FANCD2: variants seen among roughly 807,000 people sequenced by gnomAD.
The protein encoded by FANCD2 is Fanconi anemia group D2 protein.
FANCD2 carries 131 observed loss-of-function variants against 192.3 expected under a neutral mutation model. The ratio of observed to expected loss-of-function variants is 0.68; its 90% CI spans 0.59 to 0.79. The LOEUF is 0.79. Ranked by LOEUF, FANCD2 falls within the 30% of genes least tolerant of loss-of-function variation. FANCD2 has a pLI of 0.00. For synonymous variants in FANCD2, 524 were observed against 612.5 expected (o/e 0.86, Z 2.13); for missense variants, 1,508 against 1,701.6 (o/e 0.89, Z 2.00).
rs1452991260 is a variant in FANCD2 at position 10,031,055 on chromosome 3, A to G, written c.65-1777A>G. ...TTATACTTTGGAAATACTGTTCTCC[A>G]AAAGAGAAGAGACTTCTGAATTAAG... On this transcript the variant is annotated intron_variant, in intron 2 of 43. Transcript: ENST00000675286. Among the ~76,000 whole-genome samples the G allele has an allele frequency of 7.9e-5, 12 of 152,376 alleles. No homozygotes were observed. In the East Asian group the frequency reaches 2.1e-3, roughly 27 times the overall value.
chr3:10,071,724 C>G (rs6771931), intron 26 of FANCD2, among the ~76,000 whole-genome samples: 35,613 of 151,998 alleles, frequency 0.23, 5,557 homozygotes, highest in African/African-American at 0.45. Flanking sequence ...TGGTTAATAG[C>G]TTCAAAAATA....
Position 10,048,095 on chromosome 3 carries a change from G to C in FANCD2, c.1413+44G>C, listed in dbSNP as rs771401180. 11 of 1,613,002 alleles carry C rather than the reference G, an allele frequency of 6.8e-6. No individual in the cohort carries two copies. In the South Asian group the frequency reaches 9.9e-5, roughly 14 times the overall value. ...TTTGGCAAGGAGGGAACACAGAAAG[G>C]GAAAATAATCTGATGTTTATTTCTT... On this transcript the variant is annotated intron_variant, in intron 16 of 43. Transcript: ENST00000675286.
At chr3:10,036,891 CGTA>C (rs1316255485) in intron 7 of FANCD2, among the ~76,000 whole-genome samples, 2 of 151,732 alleles carry the variant, frequency 1.3e-5, no homozygotes, top group Non-Finnish European at 2.9e-5. Flanking sequence ...GCTGGAGTGC[CGTA>C]GTACGATCAT....
rs979658558 is a variant in FANCD2, at chr3:10,075,973, C to T, written c.2859+1300C>T. On this transcript the variant is annotated intron_variant, in intron 29 of 43. Transcript: ENST00000675286. ...GTCTCGATCTCCTGACCTCGTGATC[C>T]GCCCGCCTTGGCCTCCCAAAGTGTT... is the stretch of plus-strand genomic sequence containing the variant. Among the ~76,000 whole-genome samples, 51 of 151,310 alleles carry T rather than the reference C, an allele frequency of 3.4e-4. 1 individual carries two copies. Among genetic ancestry groups the T allele is most frequent in the African/African-American group, 9.2e-4 (38 of 41,172 alleles).
Position 10,060,383 on chromosome 3 carries a change from T to A in FANCD2, c.1746T>A (p.Ala582=). The change falls in exon 19 of 44, where the codon GCT becomes GCA. Residue 582 remains alanine (A), a synonymous_variant. Transcript: ENST00000675286. ...GGATTATTGGTGCTGTGACCATGGC[T>A]GGCATCATGGCGGCAGACAGGTACA... ...LIGIIGAVTM[A]GIMAADRSES... 1 of 1,613,942 alleles carries A rather than the reference T, an allele frequency of 6.2e-7. No individual in the cohort carries two copies. Among genetic ancestry groups the A allele is most frequent in the Non-Finnish European group, 8.5e-7 (1 of 1,179,872 alleles).
In FANCD2 at chr3:10,031,299, T is replaced by G. The variant is rs186457997; in HGVS notation, c.65-1533T>G. Among the ~76,000 whole-genome samples, 210 of 152,112 alleles carry G rather than the reference T, an allele frequency of 1.4e-3. 1 individual carries two copies. Among genetic ancestry groups the G allele is most frequent in the African/African-American group, 4.2e-3 (174 of 41,512 alleles). On this transcript the variant is annotated intron_variant, in intron 2 of 43. Transcript: ENST00000675286. ...CGGGCAGATCACGAGGTCAGGAGAT[T>G]GAGACCATCTTGGCTAACATGGTGA...
At chr3:10,058,320 A>C (rs1451443145) in intron 18 of FANCD2, 2 of 156,552 alleles carry the variant, frequency 1.3e-5, no homozygotes, top group Non-Finnish European at 2.8e-5. Flanking sequence ...TGGCACCACG[A>C]AGGTTGCCAC....
At chr3:10,064,963 A>C in intron 23 of FANCD2, 88 bp downstream of exon 23, 1 of 1,437,312 alleles carries the variant, frequency 7.0e-7, no homozygotes, top group Middle Eastern at 2.0e-4. Flanking sequence ...GTTGAGTCAA[A>C]AAAGTTTCTC....
At chr3:10,052,294 ATG>A in intron 17 of FANCD2, 91 bp from the exon 18 acceptor site, 1 of 821,126 alleles carries the variant, frequency 1.2e-6, no homozygotes, top group South Asian at 1.4e-5. Context: ...CTGGCTATCT[ATG>A]TGTGTCTCTT....
At chr3:10,029,972 G>A (rs1180875802) in intron 2 of FANCD2, among the ~76,000 whole-genome samples, 2 of 151,876 alleles carry the variant, frequency 1.3e-5, no homozygotes, top group African/African-American at 4.8e-5. Context: ...CTTTAGTAGA[G>A]ACGGGGTTTC....
In FANCD2 at chr3:10,095,244, G is replaced by T; in HGVS notation, c.4008G>T (p.Arg1336Ser). 6.2e-7 allele frequency: 1 copy of T among 1,614,118 alleles called. No homozygotes were observed. The highest frequency in any genetic ancestry group is 2.2e-5 in the East Asian group (1 of 44,886). Residue 1336 changes from arginine (R) to serine (S), a missense_variant, in exon 41 of 44, where the codon AGG (arginine) becomes AGT (serine). By Grantham distance (110) the Arg-to-Ser change is moderately radical. Transcript: ENST00000675286. ...TGGAAACCTTCCAGTTGGACACAAG[G>T]CTGCTTCATCACCTGTGTGGGCATT... ...SLLETFQLDT[R>S]LLHHLCGHSK...
Position 10,073,382 on chromosome 3 carries a change from C to G in FANCD2, c.2715+20C>G, listed in dbSNP as rs199714316. On this transcript the variant is annotated intron_variant, in intron 28 of 43. Coordinates refer to ENST00000675286, the MANE Select transcript of FANCD2 (RefSeq NM_001018115.3). ...AACAAGGTATTGGAATGATGGGTAT[C>G]CGTGAAGGTTTGTGACATCCCAGTG... 27 of 1,516,738 alleles carry G rather than the reference C, an allele frequency of 1.8e-5. No homozygotes were observed. Among genetic ancestry groups the G allele is most frequent in the Non-Finnish European group, 2.4e-5 (26 of 1,091,398 alleles). The allele number at this position is 1,516,738 out of a possible 1,614,324, so 94.0% of individuals were successfully genotyped here.
rs1403993016 is a variant in FANCD2 at position 10,072,928 on chromosome 3, C to T, written c.2552C>T (p.Thr851Ile). 2.5e-6 allele frequency: 4 copies of T among 1,612,186 alleles called. No individual in the cohort carries two copies. Among genetic ancestry groups the T allele is most frequent in the Middle Eastern group, 1.7e-4 (1 of 6,014 alleles). ...GNFDVETLDITPHTVTAISAK... is the reference protein window; with the variant it reads ...GNFDVETLDIIPHTVTAISAK... ...TTTGATGTGGAAACTTTAGATATAA[C>T]ACCTCATACTGTTACTGCTATTTCA... The change falls in exon 27 of 44, where the codon ACA becomes ATA. Residue 851 changes from threonine (T) to isoleucine (I), a missense_variant. Physicochemically the swap from Thr to Ile is moderately conservative, Grantham distance 89. This residue lies in a region of FANCD2 where 796 missense variants were observed against 879.4 expected (regional missense o/e 0.91). Coordinates refer to ENST00000675286, the MANE Select transcript of FANCD2 (RefSeq NM_001018115.3).
intron 2 of FANCD2, among the ~76,000 whole-genome samples, chr3:10,030,231 G>T (rs2086559449): frequency 6.6e-6 from 1 of 151,890 alleles, no homozygotes; most frequent in Admixed American, 6.6e-5. Context: ...CAAGTAGCTG[G>T]GATTACATGT....
intron 33 of FANCD2, 87 bp from the exon 34 acceptor site, chr3:10,087,047 G>A: frequency 6.9e-7 from 1 of 1,445,864 alleles, no homozygotes; most frequent in Non-Finnish European, 9.7e-7. Flanking sequence ...AACACTGAAA[G>A]GGACTTGGGC....
chr3:10,068,706 GA>G, intron 26 of FANCD2, among the ~76,000 whole-genome samples: 1 of 150,012 alleles, frequency 6.7e-6, no homozygotes, highest in East Asian at 2.0e-4. Flanking sequence ...TGAGTAAAAT[GA>G]ATGAAACTGG....
At position 10,088,250 on chromosome 3, in the gene FANCD2, G is replaced by A. The variant is rs553342175; in HGVS notation, c.3467-199G>A. Among the ~76,000 whole-genome samples, 21 of 152,244 alleles carry A rather than the reference G, an allele frequency of 1.4e-4. No homozygotes were observed. In the South Asian group the frequency reaches 4.3e-3, roughly 32 times the overall value. The stretch of plus-strand genomic sequence containing the variant: ...TGGGGTGGGACGTGTTGAGCCTTAG[G>A]CAAATGAGTTTATGTCTGGCAAAAG... On this transcript the variant is annotated intron_variant, in intron 34 of 43. Coordinates refer to ENST00000675286, the MANE Select transcript of FANCD2 (RefSeq NM_001018115.3).
At position 10,074,406 on chromosome 3, in the gene FANCD2, T is replaced by TATTAGACTTCAGGTCTA. The variant is rs1693421421; in HGVS notation, c.2716-120_2716-119insGACTTCAGGTCTAATTA. On this transcript the variant is annotated intron_variant, in intron 28 of 43. Transcript: ENST00000675286. Reference sequence around the variant, plus strand: ...AGGGACTTGGGCTAGAGGAAGTTGTTATTATAATGAAAATGTAATTTTTTG... The same window carrying TATTAGACTTCAGGTCTA: ...AGGGACTTGGGCTAGAGGAAGTTGTTATTAGACTTCAGGTCTAATTATAATGAAAATGTAATTTTTTG... 10 of 860,142 alleles carry TATTAGACTTCAGGTCTA rather than the reference T, an allele frequency of 1.2e-5. No individual in the cohort carries two copies. In the South Asian group the frequency reaches 1.2e-4, roughly 10 times the overall value. The allele number at this position is 860,142 out of a possible 1,614,324, so 53.3% of individuals were successfully genotyped here.
At chr3:10,053,216 AT>A (rs1324146600) in intron 18 of FANCD2, among the ~76,000 whole-genome samples, 1 of 150,902 alleles carries the variant, frequency 6.6e-6, no homozygotes, top group Non-Finnish European at 1.5e-5. Context: ...TGATGAGTTC[AT>A]GTCCTTTGTA....
Sources: gnomAD v4.1 joint callset for allele counts (sites outside exome capture counted in the v4.1 genomes callset) on GRCh38, gnomAD v4.1.1 for gene constraint, gnomAD v4.1.1 regional missense constraint, MANE v1.5 for transcripts, NCBI Gene and HGNC (gene_info 2026-07-23, HGNC 2026-07-21) for gene names.